The following AGBL1 variants were observed in gnomAD, a reference collection of about 807,000 sequenced individuals.
AGBL1 encodes the protein cytosolic carboxypeptidase 4.
A neutral mutation model predicts 118.9 loss-of-function variants in AGBL1; 130 were observed. The observed-to-expected ratio is 1.09, with a 90% CI of 0.95 to 1.26. AGBL1 has a LOEUF of 1.26. Among genes scored for constraint, AGBL1 ranks in the 50% most tolerant of loss-of-function variants. AGBL1 has a pLI of 0.00. For synonymous variants in AGBL1, 555 were observed against 478.9 expected, an observed-to-expected ratio of 1.16 and a Z score of -2.08; for missense variants, 1,584 against 1,298.1, an observed-to-expected ratio of 1.22 and a Z score of -3.38.
intron 23 of AGBL1, among the ~76,000 whole-genome samples, chr15:86,958,021 G>T (rs1181444513): frequency 6.6e-6 from 1 of 151,764 alleles, no homozygotes; most frequent in East Asian, 1.9e-4. Flanking sequence ...AAGCCTCATG[G>T]CAAGACCCTT....
At position 87,005,968 on chromosome 15, in the gene AGBL1, C is replaced by T. The variant is rs532479998; in HGVS notation, c.3323+17880C>T. 8.5e-5 allele frequency among the ~76,000 whole-genome samples: 13 copies of T among 152,328 alleles called. No homozygotes were observed. The East Asian group carries it at 2.5e-3, about 29-fold the overall frequency. ...GTTTGCTGGAGGTCCACTCCAGACCCTGTTTGCCTGGATATTAGCAGCAGA... is the reference window on the plus strand; with the variant it reads ...GTTTGCTGGAGGTCCACTCCAGACCTTGTTTGCCTGGATATTAGCAGCAGA... On this transcript the variant is annotated intron_variant, in intron 24 of 24. Transcript: ENST00000441037.
chr15:86,476,757 C>T (rs2082564798), intron 18 of AGBL1, among the ~76,000 whole-genome samples: 1 of 152,214 alleles, frequency 6.6e-6, no homozygotes, highest in Admixed American at 6.5e-5. Context: ...GAACTCTCCA[C>T]CCCAAATCAA....
At chr15:86,401,486 G>GTTT (rs1006549021) in intron 18 of AGBL1, among the ~76,000 whole-genome samples, 5 of 151,954 alleles carry the variant, frequency 3.3e-5, no homozygotes, top group African/African-American at 4.8e-5. Context: ...TGTTGTTGTT[G>GTTT]CATTTGCTTT....
intron 22 of AGBL1, among the ~76,000 whole-genome samples, chr15:86,699,936 A>C (rs2086327682): frequency 6.6e-6 from 1 of 152,084 alleles, no homozygotes; most frequent in Non-Finnish European, 1.5e-5. Context: ...TTCGTCTGAA[A>C]CAATTATTAT....
At chr15:86,657,745 G>A (rs928937664) in intron 21 of AGBL1, among the ~76,000 whole-genome samples, 1 of 152,058 alleles carries the variant, frequency 6.6e-6, no homozygotes, top group African/African-American at 2.4e-5. Context: ...ACATCATAAG[G>A]AAGGACACAT....
Position 86,696,469 on chromosome 15 carries a change from A to G in AGBL1, c.3158+22033A>G, listed in dbSNP as rs187142339. Among the ~76,000 whole-genome samples the G allele has an allele frequency of 1.5e-3, 233 of 151,178 alleles. 1 individual carries two copies. The highest frequency in any genetic ancestry group is 5.4e-3 in the African/African-American group (223 of 41,240). ...CACCTTTTTACCTTAAGTCTATATGAGTCCTTATGTGTCAAGTGAGTCTCT... is the reference window on the plus strand; with the variant it reads ...CACCTTTTTACCTTAAGTCTATATGGGTCCTTATGTGTCAAGTGAGTCTCT... On this transcript the variant is annotated intron_variant, in intron 22 of 22. Transcript: ENST00000614907.
At chr15:86,590,101 C>T (rs1378877363) in intron 21 of AGBL1, among the ~76,000 whole-genome samples, 1 of 152,144 alleles carries the variant, frequency 6.6e-6, no homozygotes. Context: ...CCCCAGTGGG[C>T]TGCAAAAGCT....
intron 5 of AGBL1, among the ~76,000 whole-genome samples, chr15:86,167,430 G>A (rs1307113693): frequency 1.3e-5 from 2 of 152,044 alleles, no homozygotes; most frequent in Non-Finnish European, 2.9e-5. Flanking sequence ...ATTTTTAGTA[G>A]AGATGGGGTT....
chr15:86,680,027 T>A (rs1478272948), intron 22 of AGBL1, among the ~76,000 whole-genome samples: 1 of 152,130 alleles, frequency 6.6e-6, no homozygotes, highest in Admixed American at 6.5e-5. Context: ...TTAAATTTCC[T>A]AGGTAGGATA....
intron 21 of AGBL1, among the ~76,000 whole-genome samples, chr15:86,594,818 G>T (rs1375097677): frequency 6.6e-6 from 1 of 152,136 alleles, no homozygotes; most frequent in Non-Finnish European, 1.5e-5. Context: ...CTATTTATCT[G>T]ATTTCACTAC....
At chr15:87,015,163 A>G (rs2081597347) in intron 24 of AGBL1, among the ~76,000 whole-genome samples, 1 of 152,134 alleles carries the variant, frequency 6.6e-6, no homozygotes, top group South Asian at 2.1e-4. Context: ...CTGCACCTTT[A>G]GCCTCCCAGG....
chr15:86,317,276 C>T (rs950202662), intron 17 of AGBL1: 1 of 152,076 alleles, frequency 6.6e-6, no homozygotes, highest in African/African-American at 2.4e-5. Context: ...AGGGGGATGA[C>T]TTGAGGTGGG....
chr15:86,879,488 C>T (rs184033334), intron 22 of AGBL1, among the ~76,000 whole-genome samples: 5 of 152,260 alleles, frequency 3.3e-5, no homozygotes, highest in Non-Finnish European at 4.4e-5. Context: ...TGGTCTCCTT[C>T]AGTGAGACAT....
chr15:86,579,416 C>T (rs1054316232), intron 21 of AGBL1, among the ~76,000 whole-genome samples: 8 of 152,130 alleles, frequency 5.3e-5, no homozygotes, highest in South Asian at 2.1e-4. Context: ...CTGTTAAAAA[C>T]GTGAATGTGA....
intron 5 of AGBL1, among the ~76,000 whole-genome samples, chr15:86,178,203 C>T (rs1345703568): frequency 3.9e-5 from 6 of 152,088 alleles, no homozygotes; most frequent in East Asian, 1.9e-4. Flanking sequence ...ATCCCAGCTA[C>T]GTGGGAGGCT....
intron 5 of AGBL1, among the ~76,000 whole-genome samples, chr15:86,180,811 T>C (rs1421508231): frequency 1.3e-5 from 2 of 151,876 alleles, no homozygotes; most frequent in Non-Finnish European, 2.9e-5. Context: ...CAAAGAACAG[T>C]TAAAATTAAA....
At chr15:86,663,419 C>A (rs886511945) in intron 21 of AGBL1, among the ~76,000 whole-genome samples, 1 of 152,122 alleles carries the variant, frequency 6.6e-6, no homozygotes, top group Admixed American at 6.6e-5. Context: ...CTGAGAGAAA[C>A]CATAGAGACC....
chr15:86,809,132 A>T (rs2078756312), intron 22 of AGBL1, among the ~76,000 whole-genome samples: 1 of 152,196 alleles, frequency 6.6e-6, no homozygotes, highest in African/African-American at 2.4e-5. Flanking sequence ...AGACTTGCCT[A>T]AAGTCACCGG....
At chr15:86,290,443 C>T (rs927978023) in intron 16 of AGBL1, among the ~76,000 whole-genome samples, 1 of 150,692 alleles carries the variant, frequency 6.6e-6, no homozygotes, top group African/African-American at 2.4e-5. Flanking sequence ...CTTGACCTCC[C>T]AGGCTCAAGT....
Sources: gnomAD v4.1 joint callset for allele counts (sites outside exome capture counted in the v4.1 genomes callset) on GRCh38, gnomAD v4.1.1 for gene constraint, MANE v1.5 for transcripts, NCBI Gene and HGNC (gene_info 2026-07-23, HGNC 2026-07-21) for gene names.